ALDH1L1: variants seen among roughly 807,000 people sequenced by gnomAD.
ALDH1L1 encodes the protein cytosolic 10-formyltetrahydrofolate dehydrogenase.
Under a neutral mutation model 101.1 loss-of-function variants are expected in ALDH1L1, and 68 were observed. The observed-to-expected ratio is 0.67, with a 90% CI of 0.55 to 0.82. ALDH1L1 has a LOEUF of 0.82. Ranked by LOEUF, ALDH1L1 falls within the 40% of genes least tolerant of loss-of-function variation. ALDH1L1 has a pLI of 0.00. For missense variants in ALDH1L1, 1,087 were observed against 1,172.7 expected, an observed-to-expected ratio of 0.93 and a Z score of 1.07; for synonymous variants, 486 against 470.8, an observed-to-expected ratio of 1.03 and a Z score of -0.42.
intron 15 of ALDH1L1, 99 bp from the exon 16 acceptor site, chr3:126,124,550 A>C: frequency 1.1e-6 from 1 of 947,234 alleles, no homozygotes; most frequent in South Asian, 1.4e-5. Context: ...CCCAGCAGCA[A>C]GCTGGGAGAG....
chr3:126,157,556 G>A, intron 3 of ALDH1L1, 48 bp from the exon 4 acceptor site: 1 of 1,593,384 alleles, frequency 6.3e-7, no homozygotes. Context: ...AAGGGCCACG[G>A]AGGATGTCCT....
intron 9 of ALDH1L1, 22 bp downstream of exon 9, chr3:126,146,813 A>C (rs1576456604): frequency 6.2e-7 from 1 of 1,611,700 alleles, no homozygotes; most frequent in Non-Finnish European, 8.5e-7. Context: ...CTGGGACAGG[A>C]CCCCTCCACT....
intron 21 of ALDH1L1, among the ~76,000 whole-genome samples, chr3:126,106,240 G>A (rs532399759): frequency 4.4e-4 from 67 of 152,324 alleles, no homozygotes; most frequent in African/African-American, 1.3e-3. Flanking sequence ...TGTGCCCGCC[G>A]CAGGTTGGGC....
intron 16 of ALDH1L1, among the ~76,000 whole-genome samples, chr3:126,118,703 C>T (rs977392761): frequency 6.6e-6 from 1 of 152,138 alleles, no homozygotes; most frequent in Non-Finnish European, 1.5e-5. Context: ...CTTGCAGGGG[C>T]TCGAACAGAG....
chr3:126,179,126 AGCCCCTTGTGG>A (rs1468013743), intron 1 of ALDH1L1, among the ~76,000 whole-genome samples: 1 of 152,164 alleles, frequency 6.6e-6, no homozygotes, highest in Non-Finnish European at 1.5e-5. Context: ...AAGCCCATAG[AGCCCCTTGTGG>A]GCCGTATGGG....
chr3:126,138,999 T>C (rs6792030), intron 9 of ALDH1L1, among the ~76,000 whole-genome samples: 34,111 of 152,184 alleles, frequency 0.22, 4,673 homozygotes, highest in African/African-American at 0.39. Context: ...ATATTGGCTG[T>C]CACCCCCCAC....
intron 16 of ALDH1L1, among the ~76,000 whole-genome samples, chr3:126,120,581 G>T (rs1266010087): frequency 6.6e-6 from 1 of 152,202 alleles, no homozygotes; most frequent in Non-Finnish European, 1.5e-5. Context: ...ACCCAAGAGT[G>T]ACCCCTAAAC....
chr3:126,196,446 G>A (rs556714776), intron 1 of ALDH1L1, among the ~76,000 whole-genome samples: 1 of 147,282 alleles, frequency 6.8e-6, no homozygotes, highest in East Asian at 1.9e-4. Context: ...AGAGCCCAAG[G>A]CTGTTAGAGC....
At chr3:126,130,112 T>C (rs2108232999) in intron 14 of ALDH1L1, 111 bp downstream of exon 14, 2 of 1,001,998 alleles carry the variant, frequency 2.0e-6, no homozygotes, top group Non-Finnish European at 2.7e-6. Context: ...TGGATGGCTG[T>C]TTGATAAATG....
At chr3:126,117,025 C>T (rs889489137) in intron 17 of ALDH1L1, among the ~76,000 whole-genome samples, 1 of 151,972 alleles carries the variant, frequency 6.6e-6, no homozygotes, top group African/African-American at 2.4e-5. Flanking sequence ...TTGATGGTAG[C>T]CACATTAAAG....
chr3:126,129,671 A>T (rs2080259658), intron 14 of ALDH1L1: 1 of 152,336 alleles, frequency 6.6e-6, no homozygotes, highest in African/African-American at 2.4e-5. Context: ...CCAAATCAGG[A>T]TGTATGGCCT....
At position 126,109,990 on chromosome 3, in the gene ALDH1L1, C is replaced by T. The variant is rs775861728; in HGVS notation, c.2301G>A (p.Lys767=). Residue 767 remains lysine (K), a synonymous_variant, in exon 20 of 23, where the codon AAG becomes AAA. Coordinates refer to ENST00000393434, the MANE Select transcript of ALDH1L1 (RefSeq NM_012190.4). ...KLMEYCQHGV[K]EGATLVCGGN... is the part of the protein sequence containing the mutation. The stretch of plus-strand genomic sequence containing the variant: ...CGCCGCAGACCAGTGTGGCCCCTTC[C>T]TTCACGCCATGCTGGCAGTACTCCA... The T allele has an allele frequency of 3.5e-5, 56 of 1,614,102 alleles. No homozygotes were observed. The highest frequency in any genetic ancestry group is 4.5e-5 in the Non-Finnish European group (53 of 1,180,050).
chr3:126,194,288 T>G (rs143246698), intron 1 of ALDH1L1, among the ~76,000 whole-genome samples: 1 of 152,208 alleles, frequency 6.6e-6, no homozygotes, highest in Non-Finnish European at 1.5e-5. Context: ...AGGTTAAACA[T>G]TATTTCTTTG....
rs2080694057 is a variant in ALDH1L1, at chr3:126,146,769, GTTTTGCAGAGAT to G, written c.1076+54_1076+65del. ...ACAAATGGTTGTTTCCTGCTGCTCA[GTTTTGCAGAGAT>G]TTGTGACACAGCACCAAGTACCTGG... On this transcript the variant is annotated intron_variant, in intron 9 of 22. Coordinates refer to ENST00000393434, the MANE Select transcript of ALDH1L1 (RefSeq NM_012190.4). The G allele has an allele frequency of 3.9e-5, 60 of 1,550,982 alleles. 1 individual carries two copies. In the South Asian group the frequency reaches 6.9e-4, roughly 18 times the overall value.
In ALDH1L1 at chr3:126,152,036, C is replaced by T. The variant is rs373532685; in HGVS notation, c.858+1408G>A. 5 of 152,562 alleles carry T rather than the reference C, an allele frequency of 3.3e-5. No individual in the cohort carries two copies. The East Asian group carries it at 7.7e-4, about 24-fold the overall frequency. 9.5% of individuals were successfully genotyped at this position (152,562 alleles called of 1,614,324 possible). ...CTGCTCAGACCCCTGTGGCTGGTGCCCTGTCCTCCAGCTGCAGCAAGGGCT... is the reference window on the plus strand; with the variant it reads ...CTGCTCAGACCCCTGTGGCTGGTGCTCTGTCCTCCAGCTGCAGCAAGGGCT... On this transcript the variant is annotated intron_variant, in intron 7 of 22. Transcript: ENST00000393434.
At chr3:126,147,099 AC>A (rs2080708191) in intron 8 of ALDH1L1, among the ~76,000 whole-genome samples, 173 bp from the exon 9 acceptor site, 2 of 152,216 alleles carry the variant, frequency 1.3e-5, no homozygotes, top group Admixed American at 1.3e-4. Context: ...TGGAGTGACC[AC>A]CTTCTGGGAA....
chr3:126,172,771 A>G (rs1238924679), intron 1 of ALDH1L1, among the ~76,000 whole-genome samples: 1 of 145,210 alleles, frequency 6.9e-6, no homozygotes, highest in East Asian at 2.3e-4. Flanking sequence ...CCACCCCCCA[A>G]AAAATCTATA....
rs1204128762 is a variant in ALDH1L1, at chr3:126,153,551, T to C, written c.751A>G (p.Thr251Ala). 6.2e-7 allele frequency: 1 copy of C among 1,613,724 alleles called. No homozygotes were observed. Among genetic ancestry groups the C allele is most frequent in the East Asian group, 2.2e-5 (1 of 44,864 alleles). ...TCTCCCTCGGGCACCAGGCCTGAAG[T>C]GTTCAGCGTTGAGTTGAAAAATGTC... ...KLTFFNSTLN[T>A]SGLVPEGDAL... Residue 251 changes from threonine (T) to alanine (A), a missense_variant, in exon 7 of 23, where the codon ACT becomes GCT. By Grantham distance (58) the Thr-to-Ala change is moderately conservative. Transcript: ENST00000393434.
At chr3:126,114,805 CTTGCGGCTT>C in intron 17 of ALDH1L1, 149 bp from the exon 18 acceptor site, 1 of 723,834 alleles carries the variant, frequency 1.4e-6, no homozygotes, top group Admixed American at 2.0e-5. Flanking sequence ...CCCCCCACCC[CTTGCGGCTT>C]CACACGGCCA....
Sources: gnomAD v4.1 joint callset for allele counts (sites outside exome capture counted in the v4.1 genomes callset) on GRCh38, gnomAD v4.1.1 for gene constraint, MANE v1.5 for transcripts, NCBI Gene and HGNC (gene_info 2026-07-23, HGNC 2026-07-21) for gene names.